UNKL: variants seen among roughly 807,000 people sequenced by gnomAD.
The protein encoded by UNKL is putative E3 ubiquitin-protein ligase UNKL.
Under a neutral mutation model 78.0 loss-of-function variants are expected in UNKL, and 60 were observed. That is an observed-to-expected ratio of 0.77 (90% CI 0.63 to 0.95). The LOEUF (loss-of-function observed/expected upper bound fraction) is 0.95, where lower values mean the gene tolerates loss of function less well. Among genes scored for constraint, UNKL ranks in the 40% least tolerant of loss-of-function variants. The pLI, the probability that UNKL is intolerant of heterozygous loss-of-function variation, is 0.00. For missense variants in UNKL, 1,159 were observed against 1,045.7 expected (o/e 1.11, Z -1.49); for synonymous variants, 608 against 474.8 (o/e 1.28, Z -3.65).
rs757570567 is a variant in UNKL, at chr16:1,403,904, C to T, written c.288-560G>A. Among the ~76,000 whole-genome samples, 75 of 152,254 alleles carry T rather than the reference C, an allele frequency of 4.9e-4. No homozygotes were observed. Among genetic ancestry groups the T allele is most frequent in the South Asian group, 8.3e-4 (4 of 4,826 alleles). On this transcript the variant is annotated intron_variant, in intron 2 of 14. Transcript: ENST00000389221. The surrounding 1 kb of genome is among the most constrained non-coding windows in gnomAD (Gnocchi z 4.8). ...GCGGCAGATGGCGTGGTGGGGAACACAGGTGAGGTAGCATCACCATCCCAT... is the reference window on the plus strand; with the variant it reads ...GCGGCAGATGGCGTGGTGGGGAACATAGGTGAGGTAGCATCACCATCCCAT...
intron 7 of UNKL, among the ~76,000 whole-genome samples, chr16:1,393,570 G>T (rs996400539): frequency 2.0e-5 from 3 of 152,180 alleles, no homozygotes; most frequent in African/African-American, 7.2e-5. Context: ...AACTTATTAG[G>T]GACCACATAA....
At chr16:1,391,195 A>AT (rs1254758810) in intron 8 of UNKL, among the ~76,000 whole-genome samples, 43 of 130,364 alleles carry the variant, frequency 3.3e-4, no homozygotes, top group African/African-American at 6.4e-4. Context: ...ACACACACAC[A>AT]ATATATATGT....
chr16:1,388,992 G>A (rs1307816521), intron 9 of UNKL, among the ~76,000 whole-genome samples: 6 of 152,138 alleles, frequency 3.9e-5, no homozygotes, highest in Non-Finnish European at 7.3e-5. Context: ...CCATCACCGC[G>A]TCCACCTCCA....
Position 1,366,298 on chromosome 16 carries a change from G to C in UNKL, c.2144C>G (p.Pro715Arg), listed in dbSNP as rs747707221. ...GCACTCAGGTGCGGTGGCCGCACAC[G>C]GCTCACAGAGGATGTGGTGCTGACA... Reference protein sequence around the residue: ...RPCQHHILCEPCAATAPECPY... With the variant: ...RPCQHHILCERCAATAPECPY... Residue 715 changes from proline to arginine, a missense_variant, in exon 15 of 15, where the codon CCG becomes CGG. Pro to Arg is a moderately radical substitution (Grantham distance 103). Transcript: ENST00000389221. The C allele has an allele frequency of 1.3e-6, 2 of 1,599,238 alleles. No individual in the cohort carries two copies. Among genetic ancestry groups the C allele is most frequent in the Non-Finnish European group, 1.7e-6 (2 of 1,174,348 alleles).
At position 1,401,582 on chromosome 16, in the gene UNKL, T is replaced by C. The variant is rs1489338235; in HGVS notation, c.584A>G (p.Asp195Gly). The part of the protein sequence containing the change: ...QAMIEKILSE[D>G]PRWQDANFVL... Reference sequence around the variant, plus strand: ...CGTGGAGTTACCTTGCCACCGGGGGTCCTCGCTCAGGATCTTCTCAATCAT... The same window carrying C: ...CGTGGAGTTACCTTGCCACCGGGGGCCCTCGCTCAGGATCTTCTCAATCAT... The change falls in exon 4 of 15, where the codon GAC (aspartate) becomes GGC (glycine). Residue 195 changes from aspartate to glycine, a missense_variant. By Grantham distance (94) the Asp-to-Gly change is moderately conservative. Transcript: ENST00000389221. 6.5e-7 allele frequency: 1 copy of C among 1,546,446 alleles called. No individual in the cohort carries two copies. Among genetic ancestry groups the C allele is most frequent in the Admixed American group, 1.8e-5 (1 of 56,490 alleles).
chr16:1,394,840 C>T (rs747922939), intron 6 of UNKL, among the ~76,000 whole-genome samples: 8 of 152,228 alleles, frequency 5.3e-5, no homozygotes, highest in Non-Finnish European at 1.0e-4. Context: ...ATGGCCCTTC[C>T]ACCACGTCGG....
In UNKL at chr16:1,370,470, TG is replaced by T. The variant is rs1291622362; in HGVS notation, c.1358-114del. ...CCTGCAGGTGGTGGTGGTGGGGATA[TG>T]GGGGGTGGGAATATAGGGGCCAGGC... On this transcript the variant is annotated intron_variant, in intron 11 of 14. Transcript: ENST00000389221. The T allele has an allele frequency of 2.1e-5, 22 of 1,026,220 alleles. No individual in the cohort carries two copies. The African/African-American group carries it at 3.2e-4, about 15-fold the overall frequency. The allele number at this position is 1,026,220 out of a possible 1,614,324, so 63.6% of individuals were successfully genotyped here. A position where few individuals can be genotyped will look rare whatever the true frequency, so the allele number is the denominator to read the frequency against.
intron 10 of UNKL, 117 bp from the exon 11 acceptor site, chr16:1,371,728 G>A (rs554117616): frequency 1.5e-5 from 16 of 1,084,720 alleles, no homozygotes; most frequent in East Asian, 8.0e-5. Flanking sequence ...GGCAGAAGGC[G>A]TGGGAGTTGC....
chr16:1,372,289 A>AC (rs1470095829), intron 10 of UNKL, among the ~76,000 whole-genome samples: 1 of 152,034 alleles, frequency 6.6e-6, no homozygotes, highest in African/African-American at 2.4e-5. Flanking sequence ...AAAAACAAAA[A>AC]AAAAACTTTC....
intron 2 of UNKL, chr16:1,406,025 G>A (rs928296142): frequency 2.2e-6 from 1 of 456,606 alleles, no homozygotes; most frequent in African/African-American, 2.0e-5. Flanking sequence ...GTGTGGACGA[G>A]GCCCGTGGAT....
intron 8 of UNKL, among the ~76,000 whole-genome samples, chr16:1,391,695 A>G (rs968600568): frequency 6.1e-5 from 9 of 147,616 alleles, no homozygotes; most frequent in African/African-American, 2.3e-4. Flanking sequence ...TTTTCTTTTC[A>G]TTTTTTTTCT....
intron 2 of UNKL, among the ~76,000 whole-genome samples, chr16:1,411,445 T>C (rs770888427): frequency 3.9e-5 from 6 of 152,144 alleles, no homozygotes; most frequent in Non-Finnish European, 5.9e-5. Flanking sequence ...GGCAGGAAGA[T>C]GGTTTGAGCC....
intron 12 of UNKL, among the ~76,000 whole-genome samples, chr16:1,369,330 G>A (rs1196127351): frequency 6.6e-6 from 1 of 151,084 alleles, no homozygotes; most frequent in Non-Finnish European, 1.5e-5. Flanking sequence ...GGCGCCCCAA[G>A]TGCTGGGATG....
chr16:1,403,179 C>A lies in UNKL; in HGVS notation c.453G>T (p.Val151=). Residue 151 remains valine (V), a synonymous_variant, in exon 3 of 15, where the codon GTG becomes GTT. Coordinates refer to ENST00000389221, the MANE Select transcript of UNKL (RefSeq NM_001372107.1). This position sits in a 1 kb window ranked among gnomAD's most constrained non-coding sequence, Gnocchi z 4.8. ...GGATGCCCACTCACCTGACGTCACA[C>A]ACGGGCGGCCGCAGGTCCAGGGGGC... ...AHGPLDLRPP[V]CDVRELQAQE... 1 of 1,611,968 alleles carries A rather than the reference C, an allele frequency of 6.2e-7. No homozygotes were observed. The highest frequency in any genetic ancestry group is 1.1e-5 in the South Asian group (1 of 90,928).
rs1321572549 is a variant in UNKL at position 1,387,398 on chromosome 16, C to T, written c.1087-2013G>A. On this transcript the variant is annotated intron_variant, in intron 9 of 14. Transcript: ENST00000389221. This position sits in a 1 kb window ranked among gnomAD's most constrained non-coding sequence, Gnocchi z 4.1. ...GGCAACCCGCCCCCTATCCCTTGCA[C>T]TTCCTGTCCCTGCTTCAGACCCTCA... 6.6e-6 allele frequency among the ~76,000 whole-genome samples: 1 copy of T among 152,204 alleles called. No individual in the cohort carries two copies. Among genetic ancestry groups the T allele is most frequent in the East Asian group, 1.9e-4 (1 of 5,192 alleles).
intron 9 of UNKL, among the ~76,000 whole-genome samples, chr16:1,389,893 T>C (rs2036971626): frequency 6.6e-6 from 1 of 152,182 alleles, no homozygotes; most frequent in Non-Finnish European, 1.5e-5. Context: ...AACCTCCACC[T>C]CCTGGGCTCC....
At position 1,403,222 on chromosome 16, in the gene UNKL, T is replaced by C. The variant is rs375675925; in HGVS notation, c.410A>G (p.His137Arg). 20 of 1,613,956 alleles carry C rather than the reference T, an allele frequency of 1.2e-5. No individual in the cohort carries two copies. The highest frequency in any genetic ancestry group is 1.5e-5 in the Non-Finnish European group (18 of 1,179,998). The part of the protein sequence containing the change: ...ARGHCVKNGL[H>R]CAFAHGPLDL... The stretch of plus-strand genomic sequence containing the variant: ...CAGGGGGCCGTGCGCGAAGGCACAG[T>C]GCAGCCCATTCTTCACGCAGTGGCC... The change falls in exon 3 of 15, where the codon CAC becomes CGC. Residue 137 changes from histidine (H) to arginine (R), a missense_variant. Physicochemically the swap from His to Arg is conservative, Grantham distance 29 (BLOSUM62 0). Coordinates refer to ENST00000389221, the MANE Select transcript of UNKL (RefSeq NM_001372107.1). This position sits in a 1 kb window ranked among gnomAD's most constrained non-coding sequence, Gnocchi z 4.8.
chr16:1,366,874 A>G (rs2035305167), intron 14 of UNKL, among the ~76,000 whole-genome samples: 1 of 152,198 alleles, frequency 6.6e-6, no homozygotes. Flanking sequence ...GTGAAAGGGC[A>G]AGGGCCAGCC....
At chr16:1,396,822 T>G (rs1228271980) in intron 6 of UNKL, among the ~76,000 whole-genome samples, 44 of 151,384 alleles carry the variant, frequency 2.9e-4, no homozygotes, top group Non-Finnish European at 1.2e-4. Context: ...TTGATCTCGT[T>G]ATCCAGCTGC....
Sources: gnomAD v4.1 joint callset for allele counts (sites outside exome capture counted in the v4.1 genomes callset) on GRCh38, gnomAD v4.1.1 for gene constraint, Gnocchi (gnomAD v3.1) non-coding constraint, MANE v1.5 for transcripts, NCBI Gene and HGNC (gene_info 2026-07-23, HGNC 2026-07-21) for gene names.